Variants in SON observed in about 807,000 individuals in gnomAD.
SON encodes the protein protein SON.
Under a neutral mutation model 173.3 loss-of-function variants are expected in SON, and 4 were observed. The ratio of observed to expected loss-of-function variants is 0.02; its 90% CI spans 0.01 to 0.05. The LOEUF is 0.05. SON is among the 10% of genes least tolerant of loss of function. The pLI is 1.00. For synonymous variants in SON, 1,190 were observed against 1,105.9 expected, an observed-to-expected ratio of 1.08 and a Z score of -1.51; for missense variants, 2,626 against 3,055.3, an observed-to-expected ratio of 0.86 and a Z score of 3.31.
chr21:33,575,695 T>C (rs1338179821), intron 10 of SON, 28 bp downstream of exon 10: 2 of 1,594,812 alleles, frequency 1.3e-6, no homozygotes, highest in Admixed American at 3.4e-5. Flanking sequence ...AATTTCCTCT[T>C]ACCCTAATCC....
At chr21:33,548,018 C>T (rs767915671) in intron 2 of SON, among the ~76,000 whole-genome samples, 48 of 152,100 alleles carry the variant, frequency 3.2e-4, no homozygotes, top group Non-Finnish European at 4.4e-4. Context: ...CCACAGTGCC[C>T]GGCCTTTTTT....
chr21:33,557,560 C>A, intron 4 of SON: 1 of 1,550,592 alleles, frequency 6.4e-7, no homozygotes, highest in Non-Finnish European at 8.7e-7. Flanking sequence ...AGAAGCCAAA[C>A]TGACTGAGGA....
intron 1 of SON, among the ~76,000 whole-genome samples, chr21:33,545,538 A>T (rs1243007681): frequency 6.6e-6 from 1 of 152,234 alleles, no homozygotes; most frequent in African/African-American, 2.4e-5. Context: ...CTATTTAAAA[A>T]TTTCTCTGGC....
chr21:33,566,947 G>C (rs1348057156), intron 6 of SON, among the ~76,000 whole-genome samples: 1 of 152,028 alleles, frequency 6.6e-6, no homozygotes, highest in African/African-American at 2.4e-5. Context: ...TCAGTTCTGC[G>C]ACCTGTGTGA....
intron 6 of SON, chr21:33,560,074 C>T (rs757946226): frequency 6.2e-7 from 1 of 1,614,150 alleles, no homozygotes; most frequent in Non-Finnish European, 8.5e-7. Context: ...GTCCAAGGTA[C>T]AACTATTTAG....
chr21:33,547,501 G>A (rs1370051317), intron 2 of SON, among the ~76,000 whole-genome samples: 2 of 152,046 alleles, frequency 1.3e-5, no homozygotes, highest in Admixed American at 1.3e-4. Context: ...TTGTAATATG[G>A]TTGGTTTGTC....
At chr21:33,547,364 C>T (rs550858508) in intron 2 of SON, among the ~76,000 whole-genome samples, 22 of 152,274 alleles carry the variant, frequency 1.4e-4, no homozygotes, top group African/African-American at 5.3e-4. Flanking sequence ...ACTTAAACTG[C>T]AGTGGATGGA....
In SON at chr21:33,550,746, A is replaced by G. The variant is rs764050193; in HGVS notation, c.1515A>G (p.Glu505=). The G allele has an allele frequency of 5.6e-6, 9 of 1,613,890 alleles. No individual in the cohort carries two copies. The highest frequency in any genetic ancestry group is 2.2e-5 in the East Asian group (1 of 44,868). The change falls in exon 3 of 12, where the codon GAA becomes GAG. Residue 505 remains glutamate (E), a synonymous_variant. Coordinates refer to ENST00000356577, the MANE Select transcript of SON (RefSeq NM_138927.4). ...PAVTVAMELT[E]QPVTTTELEQ... ...TAACAGTAGCAATGGAGTTGACCGA[A>G]CAACCTGTGACGACGACAGAGTTGG...
At position 33,553,084 on chromosome 21, in the gene SON, G is replaced by A. The variant is rs1220742820; in HGVS notation, c.3853G>A (p.Val1285Ile). The change falls in exon 3 of 12, where the codon GTA becomes ATA. Residue 1285 changes from valine (V) to isoleucine (I), a missense_variant. Around this residue, in one of 13 missense-constraint regions of SON, gnomAD observed 1,006 missense variants for 895.6 expected, o/e 1.12. Transcript: ENST00000356577. ...VVPERPVTCM[V>I]SETPAMSAEP... ...TCCAGAGAGACCAGTGACTTGTATG[G>A]TATCTGAAACTCCCGCCATGTCAGC... The A allele has an allele frequency of 3.7e-6, 6 of 1,614,026 alleles. No homozygotes were observed. The highest frequency in any genetic ancestry group is 4.2e-6 in the Non-Finnish European group (5 of 1,180,032).
In SON at chr21:33,549,777, C is replaced by A; in HGVS notation, c.546C>A (p.Ser182=). The A allele has an allele frequency of 6.2e-7, 1 of 1,614,152 alleles. No homozygotes were observed. The highest frequency in any genetic ancestry group is 1.3e-5 in the African/African-American group (1 of 75,034). Reference sequence around the variant, plus strand: ...TTGGCCCATCTGAGACCAATGAATCCCCTGCAGTTGTGCTAGAACCTCCTG... The same window carrying A: ...TTGGCCCATCTGAGACCAATGAATCACCTGCAGTTGTGCTAGAACCTCCTG... ...RAFGPSETNE[S]PAVVLEPPVV... is the part of the protein sequence containing the mutation. Residue 182 remains serine, a synonymous_variant, in exon 3 of 12, where the codon TCC becomes TCA. Transcript: ENST00000356577.
intron 6 of SON, among the ~76,000 whole-genome samples, chr21:33,564,225 T>C (rs544375898): frequency 6.6e-6 from 1 of 152,324 alleles, no homozygotes; most frequent in Non-Finnish European, 1.5e-5. Flanking sequence ...TAAAGCTCTA[T>C]TGTCCAATAC....
chr21:33,543,870 T>C (rs1054135063), intron 1 of SON, among the ~76,000 whole-genome samples: 138 of 152,248 alleles, frequency 9.1e-4, no homozygotes, highest in Middle Eastern at 3.4e-3. Context: ...ATTATTTTCT[T>C]GCTACCCCTG....
chr21:33,544,850 G>T (rs1004788208), intron 1 of SON, among the ~76,000 whole-genome samples: 1 of 152,154 alleles, frequency 6.6e-6, no homozygotes, highest in African/African-American at 2.4e-5. Context: ...ATGTATAAAT[G>T]CTTAGGAAAA....
intron 8 of SON, among the ~76,000 whole-genome samples, chr21:33,571,254 CACA>C (rs1393223982): frequency 2.0e-5 from 3 of 152,028 alleles, no homozygotes; most frequent in Non-Finnish European, 2.9e-5. Flanking sequence ...AAAAATGGGC[CACA>C]ACATGTAGAA....
chr21:33,547,273 C>A (rs948402617), intron 2 of SON, among the ~76,000 whole-genome samples: 4 of 151,910 alleles, frequency 2.6e-5, no homozygotes, highest in African/African-American at 9.7e-5. Context: ...TGAGCCACCG[C>A]GCCCGGCTTG....
chr21:33,565,995 T>C (rs1288976886), intron 6 of SON, among the ~76,000 whole-genome samples: 1 of 152,186 alleles, frequency 6.6e-6, no homozygotes, highest in African/African-American at 2.4e-5. Context: ...TACAGCCTTC[T>C]CTACTAGACA....
chr21:33,565,833 A>T (rs190644360), intron 6 of SON, among the ~76,000 whole-genome samples: 1 of 152,316 alleles, frequency 6.6e-6, no homozygotes, highest in African/African-American at 2.4e-5. Flanking sequence ...AAGGCATTGT[A>T]TCAGAATCCA....
Position 33,553,794 on chromosome 21 carries a change from T to C in SON, c.4563T>C (p.Gly1521=), listed in dbSNP as rs145749244. Residue 1521 remains glycine (G), a synonymous_variant, in exon 3 of 12, where the codon GGT becomes GGC. Coordinates refer to ENST00000356577, the MANE Select transcript of SON (RefSeq NM_138927.4). Reference sequence around the variant, plus strand: ...CACATGCTGAGGAACACCTGAAAGGTGACTTTTACGAAAGTGAACATGGTA... The same window carrying C: ...CACATGCTGAGGAACACCTGAAAGGCGACTTTTACGAAAGTGAACATGGTA... The part of the protein sequence containing the change: ...EEPHAEEHLK[G]DFYESEHGIN... 104 of 1,614,034 alleles carry C rather than the reference T, an allele frequency of 6.4e-5. No individual in the cohort carries two copies. In the East Asian group the frequency reaches 2.3e-3, roughly 36 times the overall value.
intron 6 of SON, among the ~76,000 whole-genome samples, chr21:33,562,380 C>T (rs1193485830): frequency 6.6e-6 from 1 of 152,088 alleles, no homozygotes; most frequent in Admixed American, 6.6e-5. Context: ...TAATTTTTAT[C>T]TATGCCTTTT....
Sources: gnomAD v4.1 joint callset for allele counts (sites outside exome capture counted in the v4.1 genomes callset) on GRCh38, gnomAD v4.1.1 for gene constraint, gnomAD v4.1.1 regional missense constraint, MANE v1.5 for transcripts, NCBI Gene and HGNC (gene_info 2026-07-23, HGNC 2026-07-21) for gene names.